The following PCP4L1 variants were observed in gnomAD, a reference collection of about 807,000 sequenced individuals.
PCP4L1 encodes Purkinje cell protein 4-like protein 1.
In PCP4L1, 9 loss-of-function variants were observed where a neutral mutation model predicts 9.6. That is an observed-to-expected ratio of 0.94 (90% CI 0.57 to 1.64). PCP4L1 has a LOEUF of 1.64. Among genes scored for constraint, PCP4L1 ranks in the 40% most tolerant of loss-of-function variants. The pLI is 0.00. For synonymous variants in PCP4L1, 31 were observed against 28.2 expected (o/e 1.10, Z -0.31); for missense variants, 81 against 80.8 (o/e 1.00, Z -0.01).
intron 1 of PCP4L1, among the ~76,000 whole-genome samples, chr1:161,278,611 A>G (rs1325053592): frequency 6.6e-6 from 1 of 151,864 alleles, no homozygotes; most frequent in Non-Finnish European, 1.5e-5. Context: ...ATCCTTTAAA[A>G]ACATGACAGA....
intron 1 of PCP4L1, among the ~76,000 whole-genome samples, chr1:161,282,250 G>C (rs534840747): frequency 6.6e-6 from 1 of 152,252 alleles, no homozygotes; most frequent in Admixed American, 6.5e-5. Flanking sequence ...AGTCAGGCGT[G>C]GCGGCGCGCG....
chr1:161,283,672 A>T lies in PCP4L1; in HGVS notation c.14A>T (p.Asn5Ile). The change falls in exon 2 of 3, where the codon AAT (asparagine) becomes ATT (isoleucine). Residue 5 changes from asparagine (N) to isoleucine (I), a missense_variant. Coordinates refer to ENST00000504449, the MANE Select transcript of PCP4L1 (RefSeq NM_001102566.2). MSEL[N>I]TKTSPATNQA... is the part of the protein sequence containing the mutation. ...ATATCCTAATATTTTTTCCAGCTTA[A>T]TACCAAAACATCCCCAGCAACCAAC... 6.3e-7 allele frequency: 1 copy of T among 1,599,556 alleles called. No homozygotes were observed. Among genetic ancestry groups the T allele is most frequent in the Non-Finnish European group, 8.5e-7 (1 of 1,172,406 alleles).
At chr1:161,284,250 G>A (rs1364622622) in intron 2 of PCP4L1, 89 bp from the exon 3 acceptor site, 1 of 1,571,628 alleles carries the variant, frequency 6.4e-7, no homozygotes, top group Admixed American at 1.8e-5. Flanking sequence ...CTGGCACAAG[G>A]TGGACCTTAC....
chr1:161,272,317 T>C (rs111317667), intron 1 of PCP4L1, among the ~76,000 whole-genome samples: 2 of 151,824 alleles, frequency 1.3e-5, no homozygotes, highest in African/African-American at 4.8e-5. Flanking sequence ...CCCAGCACTT[T>C]GGGAAGCCGA....
chr1:161,281,809 TCCTCACATCCCGGACGGGGCGGCGGGGCA>T (rs1558146896), intron 1 of PCP4L1, among the ~76,000 whole-genome samples: 4 of 45,330 alleles, frequency 8.8e-5, no homozygotes, highest in African/African-American at 1.3e-4. Flanking sequence ...GCAGAGGCGC[TCCTCACATCCCGGACGGGGCGGCGGGGCA>T]GAGGCGCTCC....
intron 1 of PCP4L1, among the ~76,000 whole-genome samples, chr1:161,261,911 A>C (rs901698154): frequency 6.6e-6 from 1 of 152,040 alleles, no homozygotes; most frequent in African/African-American, 2.4e-5. Flanking sequence ...CACACTTTGG[A>C]GATCCACACA....
intron 1 of PCP4L1, among the ~76,000 whole-genome samples, chr1:161,265,584 G>C (rs1172365356): frequency 6.6e-6 from 1 of 152,026 alleles, no homozygotes; most frequent in East Asian, 1.9e-4. Flanking sequence ...GGCTGGCAAG[G>C]TAAGTGATGA....
chr1:161,279,334 T>C (rs1210264145), intron 1 of PCP4L1, among the ~76,000 whole-genome samples: 2 of 152,256 alleles, frequency 1.3e-5, no homozygotes, highest in African/African-American at 4.8e-5. Flanking sequence ...GACTTTCTTT[T>C]GCTCACTGCT....
intron 1 of PCP4L1, among the ~76,000 whole-genome samples, chr1:161,260,049 GC>G (rs1669390783): frequency 1.3e-5 from 2 of 152,164 alleles, no homozygotes; most frequent in Admixed American, 6.5e-5. Context: ...ATCTATATTA[GC>G]TATTATCTTT....
At chr1:161,262,515 C>T (rs1391185051) in intron 1 of PCP4L1, among the ~76,000 whole-genome samples, 1 of 151,584 alleles carries the variant, frequency 6.6e-6, no homozygotes, top group Non-Finnish European at 1.5e-5. Flanking sequence ...AGAACTTGCT[C>T]ATCCCTTTCT....
intron 1 of PCP4L1, among the ~76,000 whole-genome samples, chr1:161,263,309 C>T (rs1669451960): frequency 6.6e-6 from 1 of 152,138 alleles, no homozygotes; most frequent in Non-Finnish European, 1.5e-5. Flanking sequence ...TGAATCTCGG[C>T]TCGCTGCAAC....
chr1:161,275,079 T>A (rs1314222382), intron 1 of PCP4L1, among the ~76,000 whole-genome samples: 1 of 151,910 alleles, frequency 6.6e-6, no homozygotes, highest in Non-Finnish European at 1.5e-5. Flanking sequence ...CCAGAGAGAC[T>A]TGGGAGGGAA....
intron 1 of PCP4L1, among the ~76,000 whole-genome samples, chr1:161,273,449 C>T (rs1669652930): frequency 6.6e-6 from 1 of 152,038 alleles, no homozygotes; most frequent in Admixed American, 6.6e-5. Context: ...AACAAAACCC[C>T]CAAAGTCCCA....
At chr1:161,270,569 C>CAAA (rs10530356) in intron 1 of PCP4L1, among the ~76,000 whole-genome samples, 2 of 116,622 alleles carry the variant, frequency 1.7e-5, no homozygotes, top group Admixed American at 8.8e-5. Context: ...ACCCCAGGCT[C>CAAA]AAAAAAAAAA....
chr1:161,282,767 G>A (rs12088460), intron 1 of PCP4L1, among the ~76,000 whole-genome samples: 69,587 of 151,750 alleles, frequency 0.46, 16,354 homozygotes, highest in East Asian at 0.64. Context: ...AGATCATCAG[G>A]CCAAAATTTG....
At position 161,258,777 on chromosome 1, in the gene PCP4L1, C is replaced by T. The variant is rs562150101; in HGVS notation, c.-198C>T. 1.4e-4 allele frequency: 116 copies of T among 824,190 alleles called. 1 individual carries two copies. Among genetic ancestry groups the T allele is most frequent in the Non-Finnish European group, 1.9e-4 (100 of 525,244 alleles). 51.1% of individuals were successfully genotyped at this position (824,190 alleles called of 1,614,324 possible). On this transcript the variant is annotated 5_prime_UTR_variant, in exon 1 of 3. Transcript: ENST00000504449. ...TCTGACAGGACGGGTCGCAGGGGGTCGCCTGGCCGGAGCTGGGCTCCGAGA... is the reference window on the plus strand; with the variant it reads ...TCTGACAGGACGGGTCGCAGGGGGTTGCCTGGCCGGAGCTGGGCTCCGAGA...
At chr1:161,270,268 GCC>G (rs1669600680) in intron 1 of PCP4L1, among the ~76,000 whole-genome samples, 3 of 152,134 alleles carry the variant, frequency 2.0e-5, no homozygotes, top group Admixed American at 1.3e-4. Flanking sequence ...CTGTACTCCA[GCC>G]TGGGCAACGG....
chr1:161,264,177 T>C (rs1669467973), intron 1 of PCP4L1, among the ~76,000 whole-genome samples: 1 of 151,040 alleles, frequency 6.6e-6, no homozygotes, highest in Admixed American at 6.6e-5. Flanking sequence ...TCTCCCAAAG[T>C]GCTGGGATTA....
chr1:161,264,359 C>T lies in PCP4L1; in HGVS notation c.9+5376C>T, dbSNP rs186186289. On this transcript the variant is annotated intron_variant, in intron 1 of 2. Coordinates refer to ENST00000504449, the MANE Select transcript of PCP4L1 (RefSeq NM_001102566.2). ...TGGTGAAACCCCGTCTCTATTAAAA[C>T]TACAAAAATTAGCCAGGTGTGGTGG... Among the ~76,000 whole-genome samples the T allele has an allele frequency of 2.9e-3, 441 of 151,668 alleles. 1 individual carries two copies. Among genetic ancestry groups the T allele is most frequent in the African/African-American group, 0.01 (418 of 41,394 alleles).
Sources: gnomAD v4.1 joint callset for allele counts (sites outside exome capture counted in the v4.1 genomes callset) on GRCh38, gnomAD v4.1.1 for gene constraint, MANE v1.5 for transcripts, NCBI Gene and HGNC (gene_info 2026-07-23, HGNC 2026-07-21) for gene names.